The following GRID2 variants were observed in gnomAD, a reference collection of about 807,000 sequenced individuals.
GRID2 encodes glutamate receptor ionotropic, delta-2.
In GRID2, 33 loss-of-function variants were observed where a neutral mutation model predicts 114.8. The observed-to-expected ratio is 0.29, with a 90% CI of 0.22 to 0.38. The LOEUF is 0.38. Ranked by LOEUF, GRID2 falls within the 10% of genes least tolerant of loss-of-function variation. GRID2 has a pLI of 1.00. For synonymous variants in GRID2, 505 were observed against 449.9 expected (o/e 1.12, Z -1.55); for missense variants, 1,184 against 1,257.7 (o/e 0.94, Z 0.89).
intron 4 of GRID2, among the ~76,000 whole-genome samples, chr4:93,139,413 C>A (rs1735556869): frequency 6.6e-6 from 1 of 152,120 alleles, no homozygotes; most frequent in African/African-American, 2.4e-5. Flanking sequence ...ATAGGGCCCA[C>A]ATAATCTGCC....
chr4:92,540,412 A>T (rs1332532221), intron 1 of GRID2, among the ~76,000 whole-genome samples: 1 of 152,212 alleles, frequency 6.6e-6, no homozygotes, highest in Non-Finnish European at 1.5e-5. Context: ...TATAGGGCTA[A>T]TATCCAGAAT....
At chr4:93,482,005 G>A (rs1406108446) in intron 11 of GRID2, among the ~76,000 whole-genome samples, 1 of 151,890 alleles carries the variant, frequency 6.6e-6, no homozygotes, top group Non-Finnish European at 1.5e-5. Context: ...AACTTAAAAG[G>A]AATGTCATTG....
intron 2 of GRID2, among the ~76,000 whole-genome samples, chr4:92,756,378 A>G (rs990453437): frequency 6.6e-6 from 1 of 152,132 alleles, no homozygotes; most frequent in African/African-American, 2.4e-5. Context: ...CATCTTTGCT[A>G]TTGCGTAGTG....
chr4:92,338,760 T>G (rs1727321522), intron 1 of GRID2, among the ~76,000 whole-genome samples: 1 of 152,228 alleles, frequency 6.6e-6, no homozygotes, highest in Non-Finnish European at 1.5e-5. Flanking sequence ...AAAAGCATAT[T>G]TTGTGTACAC....
chr4:92,642,458 C>A (rs1226755738), intron 2 of GRID2, among the ~76,000 whole-genome samples: 2 of 151,718 alleles, frequency 1.3e-5, no homozygotes, highest in African/African-American at 4.8e-5. Context: ...TGTTGATGTC[C>A]TTTTCCCATT....
intron 9 of GRID2, among the ~76,000 whole-genome samples, chr4:93,421,378 C>T (rs934478585): frequency 2.0e-5 from 3 of 152,130 alleles, no homozygotes; most frequent in African/African-American, 7.2e-5. Context: ...GGACAACTAG[C>T]AGTAACCTAC....
intron 10 of GRID2, 66 bp from the exon 11 acceptor site, chr4:93,455,595 CT>C: frequency 9.2e-7 from 1 of 1,084,644 alleles, no homozygotes; most frequent in Non-Finnish European, 1.4e-6. Context: ...TCGAGGCAAG[CT>C]GAAGTGGCAC....
intron 14 of GRID2, among the ~76,000 whole-genome samples, chr4:93,762,363 T>TA: frequency 6.6e-6 from 1 of 152,302 alleles, no homozygotes; most frequent in Non-Finnish European, 1.5e-5. Context: ...TTTGAAATAT[T>TA]AAAATGGTTA....
intron 14 of GRID2, among the ~76,000 whole-genome samples, chr4:93,648,772 G>GT (rs11448129): frequency 0.18 from 27,072 of 152,148 alleles, 2,767 homozygotes; most frequent in Middle Eastern, 0.35. Context: ...AACCACTCTT[G>GT]TAATACATGG....
At chr4:92,413,801 T>C (rs1312712123) in intron 1 of GRID2, among the ~76,000 whole-genome samples, 13 of 152,068 alleles carry the variant, frequency 8.5e-5, no homozygotes, top group Admixed American at 8.5e-4. Context: ...ACTGCTGTAA[T>C]GTGAAGAAAT....
rs140895616 is a variant in GRID2, at chr4:92,602,278, G to C, written c.244+11992G>C. Among the ~76,000 whole-genome samples the C allele has an allele frequency of 5.6e-3, 844 of 151,402 alleles. 10 individuals are homozygous for C. Among genetic ancestry groups the C allele is most frequent in the African/African-American group, 0.02 (817 of 41,306 alleles). On this transcript the variant is annotated intron_variant, in intron 2 of 15. Transcript: ENST00000282020. The stretch of plus-strand genomic sequence containing the variant: ...GAAAAAGCTTCAGGCCAGTATCCCT[G>C]ATGAACATCGATGTAAAAATCATCA...
chr4:93,644,271 T>C (rs1182832339), intron 14 of GRID2, among the ~76,000 whole-genome samples: 1 of 49,306 alleles, frequency 2.0e-5, no homozygotes, highest in Non-Finnish European at 4.0e-5. Flanking sequence ...ATCACCGTCT[T>C]CTGCGTCGCT....
intron 9 of GRID2, among the ~76,000 whole-genome samples, chr4:93,396,640 A>T (rs549128656): frequency 4.5e-4 from 68 of 152,166 alleles, no homozygotes; most frequent in Admixed American, 3.5e-3. Flanking sequence ...GCAACCATGG[A>T]TAAGAAGAGT....
At chr4:92,460,032 C>CTATATATATATATATATACATATATATA (rs1721408487) in intron 1 of GRID2, among the ~76,000 whole-genome samples, 1 of 48,442 alleles carries the variant, frequency 2.1e-5, no homozygotes, top group African/African-American at 1.0e-4. Context: ...ATAAATCTCA[C>CTATATATATATATATATACATATATATA]TATATATATA....
chr4:92,775,121 C>A (rs369852959), intron 2 of GRID2, among the ~76,000 whole-genome samples: 10 of 152,132 alleles, frequency 6.6e-5, no homozygotes, highest in Middle Eastern at 3.4e-3. Flanking sequence ...TTTAGTAAAC[C>A]CTGAGTTATC....
chr4:93,510,453 C>T (rs1441477448), intron 12 of GRID2, among the ~76,000 whole-genome samples: 2 of 152,074 alleles, frequency 1.3e-5, no homozygotes, highest in Non-Finnish European at 2.9e-5. Flanking sequence ...AGGGGTTACG[C>T]ATTAGATTTT....
At chr4:93,596,989 A>G (rs895204951) in intron 13 of GRID2, among the ~76,000 whole-genome samples, 1 of 152,230 alleles carries the variant, frequency 6.6e-6, no homozygotes, top group African/African-American at 2.4e-5. Flanking sequence ...TTGATAAGAA[A>G]TATATTGCTC....
chr4:92,927,228 G>C (rs1299937141), intron 2 of GRID2, among the ~76,000 whole-genome samples: 9 of 151,796 alleles, frequency 5.9e-5, no homozygotes, highest in African/African-American at 2.2e-4. Flanking sequence ...TATTTCATAA[G>C]AGAAATCCAA....
At chr4:92,698,778 A>T (rs894571526) in intron 2 of GRID2, among the ~76,000 whole-genome samples, 1 of 152,142 alleles carries the variant, frequency 6.6e-6, no homozygotes, top group Non-Finnish European at 1.5e-5. Context: ...TTGCTAAAAT[A>T]TGATTAAAAA....
Sources: allele counts gnomAD v4.1 joint callset (sites outside exome capture counted in the v4.1 genomes callset), GRCh38; gene constraint gnomAD v4.1.1; transcripts MANE v1.5; gene names NCBI Gene and HGNC (gene_info 2026-07-23, HGNC 2026-07-21).